DENND1A: variants seen among roughly 807,000 people sequenced by gnomAD.
DENND1A encodes the protein DENN domain containing 1A.
DENND1A carries 51 observed loss-of-function variants against 113.7 expected under a neutral mutation model. That is an observed-to-expected ratio of 0.45 (90% confidence interval 0.36 to 0.57). DENND1A has a LOEUF of 0.57. Among genes scored for constraint, DENND1A ranks in the 20% least tolerant of loss-of-function variants. The pLI is 0.00. For missense variants in DENND1A, 1,258 were observed against 1,395.9 expected (o/e 0.90, Z 1.57); for synonymous variants, 565 against 570.8 (o/e 0.99, Z 0.14).
intron 15 of DENND1A, among the ~76,000 whole-genome samples, chr9:123,456,300 A>G (rs2048119371): frequency 6.6e-6 from 1 of 152,206 alleles, no homozygotes; most frequent in African/African-American, 2.4e-5. Flanking sequence ...AAAGGGGGCC[A>G]GCAGCATGGG....
chr9:123,754,145 G>A (rs2131353734), intron 5 of DENND1A, among the ~76,000 whole-genome samples: 1 of 152,260 alleles, frequency 6.6e-6, no homozygotes, highest in Non-Finnish European at 1.5e-5. Context: ...TGGACCTCAA[G>A]GCACAGGTTA....
intron 19 of DENND1A, among the ~76,000 whole-genome samples, chr9:123,412,144 C>T (rs2044356095): frequency 6.6e-6 from 1 of 152,216 alleles, no homozygotes; most frequent in Admixed American, 6.5e-5. Context: ...CTCTCCAGAC[C>T]TCTCATGCCC....
chr9:123,472,163 T>C (rs917152697), intron 13 of DENND1A, among the ~76,000 whole-genome samples: 4 of 152,140 alleles, frequency 2.6e-5, no homozygotes, highest in Non-Finnish European at 4.4e-5. Context: ...CTTTGTGAGC[T>C]GGGCATCATG....
intron 11 of DENND1A, among the ~76,000 whole-genome samples, chr9:123,587,972 C>A (rs2059261890): frequency 6.6e-6 from 1 of 152,082 alleles, no homozygotes; most frequent in Admixed American, 6.5e-5. Flanking sequence ...TAAAATACTA[C>A]TTTCCTTTTT....
chr9:123,870,982 T>G (rs572873318), intron 2 of DENND1A, among the ~76,000 whole-genome samples: 1 of 152,292 alleles, frequency 6.6e-6, no homozygotes, highest in African/African-American at 2.4e-5. Context: ...TAAGATGAAT[T>G]TAATTAATAT....
chr9:123,489,637 T>C (rs2051196897), intron 13 of DENND1A, among the ~76,000 whole-genome samples: 1 of 152,216 alleles, frequency 6.6e-6, no homozygotes, highest in Admixed American at 6.5e-5. Context: ...AATTAGTTCA[T>C]CCATTTGGTG....
chr9:123,597,845 T>C (rs2059762856), intron 11 of DENND1A, among the ~76,000 whole-genome samples: 1 of 152,198 alleles, frequency 6.6e-6, no homozygotes, highest in Non-Finnish European at 1.5e-5. Context: ...AATCTGAGGC[T>C]TCATTAATGC....
At chr9:123,486,409 G>T (rs1452141542) in intron 13 of DENND1A, among the ~76,000 whole-genome samples, 1 of 152,012 alleles carries the variant, frequency 6.6e-6, no homozygotes, top group African/African-American at 2.4e-5. Flanking sequence ...TCTGGGCTCT[G>T]CCGCCAGCCC....
chr9:123,807,060 C>G (rs1347270649), intron 2 of DENND1A, among the ~76,000 whole-genome samples: 2 of 152,142 alleles, frequency 1.3e-5, no homozygotes, highest in African/African-American at 4.8e-5. Flanking sequence ...TGTGGAAATA[C>G]ATCATTGCAT....
chr9:123,784,879 G>C (rs1203170064), intron 3 of DENND1A, among the ~76,000 whole-genome samples: 1 of 152,178 alleles, frequency 6.6e-6, no homozygotes, highest in Admixed American at 6.5e-5. Context: ...CTTAAAAGAA[G>C]AGCCTTAAGT....
At chr9:123,883,812 T>C (rs1453915931) in intron 1 of DENND1A, among the ~76,000 whole-genome samples, 1 of 149,638 alleles carries the variant, frequency 6.7e-6, no homozygotes, top group East Asian at 2.0e-4. Flanking sequence ...CTTACTCAGT[T>C]CAAACAGCTG....
At chr9:123,731,953 A>G (rs1379692857) in intron 5 of DENND1A, among the ~76,000 whole-genome samples, 1 of 152,242 alleles carries the variant, frequency 6.6e-6, no homozygotes, top group African/African-American at 2.4e-5. Context: ...CAAATGACAA[A>G]TAAGCACGAT....
At chr9:123,548,343 G>A (rs1396182868) in intron 13 of DENND1A, among the ~76,000 whole-genome samples, 1 of 152,182 alleles carries the variant, frequency 6.6e-6, no homozygotes, top group Admixed American at 6.5e-5. Context: ...CCGGCCTGTA[G>A]GTTTTGGCTA....
intron 5 of DENND1A, among the ~76,000 whole-genome samples, chr9:123,715,179 C>G (rs1338645743): frequency 7.1e-6 from 1 of 141,808 alleles, no homozygotes; most frequent in Admixed American, 6.9e-5. Context: ...GACTCTGTCT[C>G]CAAAAAAAAT....
At chr9:123,729,181 A>C (rs2067974545) in intron 5 of DENND1A, among the ~76,000 whole-genome samples, 1 of 152,230 alleles carries the variant, frequency 6.6e-6, no homozygotes, top group African/African-American at 2.4e-5. Flanking sequence ...AACTGGAAGC[A>C]TTCCCTTTGA....
At chr9:123,600,862 C>G (rs2059909342) in intron 11 of DENND1A, among the ~76,000 whole-genome samples, 1 of 151,826 alleles carries the variant, frequency 6.6e-6, no homozygotes, top group African/African-American at 2.4e-5. Flanking sequence ...TTAAAGTGAT[C>G]TAGTAGTGGT....
intron 1 of DENND1A, among the ~76,000 whole-genome samples, chr9:123,902,485 G>A (rs1382200456): frequency 6.6e-6 from 1 of 152,114 alleles, no homozygotes; most frequent in Non-Finnish European, 1.5e-5. Flanking sequence ...CTGAGAAGGG[G>A]ATCTGACCAT....
At chr9:123,639,363 CG>C (rs1210514439) in intron 9 of DENND1A, among the ~76,000 whole-genome samples, 11 of 149,258 alleles carry the variant, frequency 7.4e-5, no homozygotes, top group South Asian at 4.2e-4. Flanking sequence ...CAGTTGAACC[CG>C]AGAGGCAGAT....
At chr9:123,925,089 G>T (rs1020326887) in intron 1 of DENND1A, among the ~76,000 whole-genome samples, 14 of 152,006 alleles carry the variant, frequency 9.2e-5, no homozygotes, top group African/African-American at 2.4e-5. Context: ...AATTCACCTG[G>T]TTTTTTTAAT....
Sources: allele counts gnomAD v4.1 joint callset (sites outside exome capture counted in the v4.1 genomes callset), GRCh38; gene constraint gnomAD v4.1.1; transcripts MANE v1.5; gene names NCBI Gene and HGNC (gene_info 2026-07-23, HGNC 2026-07-21).